The following PPP1R42 variants were observed in gnomAD, a reference collection of about 807,000 sequenced individuals.
PPP1R42 encodes the protein leucine rich repeat containing 67.
PPP1R42 carries 34 observed loss-of-function variants against 31.0 expected under a neutral mutation model. The observed-to-expected ratio is 1.10, with a 90% confidence interval of 0.83 to 1.46. The LOEUF (loss-of-function observed/expected upper bound fraction) is 1.46, where lower values mean the gene tolerates loss of function less well. Ranked by LOEUF, PPP1R42 falls within the 40% of genes most tolerant of loss-of-function variation. The pLI is 0.00. For synonymous variants in PPP1R42, 103 were observed against 109.8 expected (o/e 0.94, Z 0.39); for missense variants, 268 against 303.0 (o/e 0.88, Z 0.86).
intron 7 of PPP1R42, among the ~76,000 whole-genome samples, chr8:66,976,989 C>T (rs1814695175): frequency 6.7e-6 from 1 of 149,272 alleles, no homozygotes; most frequent in Non-Finnish European, 1.5e-5. Flanking sequence ...TTTTTAAATT[C>T]AAGGAAAATC....
chr8:66,977,442 A>G (rs901210334), intron 7 of PPP1R42, among the ~76,000 whole-genome samples: 2 of 151,670 alleles, frequency 1.3e-5, no homozygotes, highest in Non-Finnish European at 2.9e-5. Flanking sequence ...GGCTCAAGCA[A>G]TCCCCCTGCC....
chr8:67,023,724 G>A (rs768936228), intron 1 of PPP1R42, among the ~76,000 whole-genome samples: 7 of 151,748 alleles, frequency 4.6e-5, no homozygotes, highest in Non-Finnish European at 7.4e-5. Flanking sequence ...GAATAGAAGC[G>A]ATGAGGGCGT....
chr8:66,986,415 G>C (rs750893902), intron 6 of PPP1R42, among the ~76,000 whole-genome samples: 1 of 152,128 alleles, frequency 6.6e-6, no homozygotes, highest in African/African-American at 2.4e-5. Flanking sequence ...CTTCAGCCCC[G>C]AGACGGAGGC....
At chr8:66,984,610 C>T (rs1213973302) in intron 6 of PPP1R42, 7 of 1,197,034 alleles carry the variant, frequency 5.8e-6, no homozygotes, top group Non-Finnish European at 8.7e-6. Flanking sequence ...ATACGTGTAC[C>T]CCCTGTGAAA....
intron 1 of PPP1R42, among the ~76,000 whole-genome samples, chr8:67,024,480 ATT>A (rs56931317): frequency 2.8e-5 from 4 of 143,052 alleles, no homozygotes; most frequent in Admixed American, 7.0e-5. Flanking sequence ...ATGCCAGCTA[ATT>A]TTTTTTTTTT....
intron 7 of PPP1R42, among the ~76,000 whole-genome samples, chr8:66,976,266 C>T (rs1021631813): frequency 1.3e-5 from 2 of 152,094 alleles, no homozygotes; most frequent in Non-Finnish European, 2.9e-5. Flanking sequence ...GCTCAGGGCT[C>T]CTGCTGACTC....
intron 6 of PPP1R42, chr8:66,984,781 A>G: frequency 1.2e-6 from 2 of 1,608,724 alleles, no homozygotes; most frequent in Admixed American, 3.3e-5. Context: ...TAATACTCGC[A>G]TCAAATTAGA....
chr8:66,985,847 G>C (rs1000397715), intron 6 of PPP1R42: 4 of 1,202,364 alleles, frequency 3.3e-6, no homozygotes, highest in South Asian at 1.3e-5. Flanking sequence ...TGGAGGCCCA[G>C]GGATCACCTC....
At chr8:66,976,600 T>A (rs2130918152) in intron 7 of PPP1R42, among the ~76,000 whole-genome samples, 1 of 151,610 alleles carries the variant, frequency 6.6e-6, no homozygotes, top group Admixed American at 6.6e-5. Flanking sequence ...TTCTATGAGA[T>A]CAACTTTTTG....
chr8:67,025,071 G>A (rs1370397510), intron 1 of PPP1R42, among the ~76,000 whole-genome samples: 2 of 151,168 alleles, frequency 1.3e-5, no homozygotes, highest in East Asian at 3.9e-4. Flanking sequence ...TTGAGCAGCT[G>A]GGACTACAGG....
intron 5 of PPP1R42, among the ~76,000 whole-genome samples, chr8:67,007,246 A>G (rs1815715248): frequency 6.6e-6 from 1 of 152,224 alleles, no homozygotes; most frequent in African/African-American, 2.4e-5. Flanking sequence ...CCAAGGGCCT[A>G]GAACAGTGCC....
intron 6 of PPP1R42, chr8:66,988,089 G>C (rs1815080036): frequency 1.0e-6 from 1 of 989,618 alleles, no homozygotes; most frequent in South Asian, 4.6e-5. Context: ...CAAAGGATTT[G>C]TGCTAACGAA....
chr8:66,978,012 T>G (rs892178508), intron 7 of PPP1R42, among the ~76,000 whole-genome samples: 1 of 152,178 alleles, frequency 6.6e-6, no homozygotes, highest in Non-Finnish European at 1.5e-5. Flanking sequence ...CAACTTTACA[T>G]TCCCACTAAC....
chr8:66,982,648 AG>A (rs1814878194), intron 6 of PPP1R42, among the ~76,000 whole-genome samples: 1 of 152,132 alleles, frequency 6.6e-6, no homozygotes, highest in South Asian at 2.1e-4. Context: ...AGTAGAGACA[AG>A]GTCTTGCCAT....
intron 6 of PPP1R42, chr8:66,985,639 T>C: frequency 7.4e-7 from 1 of 1,343,508 alleles, no homozygotes; most frequent in Non-Finnish European, 1.1e-6. Context: ...AATGGCATCA[T>C]TCATGAAAGT....
At chr8:66,984,877 C>G in intron 6 of PPP1R42, 1 of 1,577,554 alleles carries the variant, frequency 6.3e-7, no homozygotes. Context: ...CCTTGTCTGT[C>G]TCTGAAGTTT....
intron 7 of PPP1R42, among the ~76,000 whole-genome samples, chr8:66,974,263 A>T (rs1047056746): frequency 6.6e-6 from 1 of 152,142 alleles, no homozygotes; most frequent in Non-Finnish European, 1.5e-5. Context: ...CCTTTTTTAA[A>T]ATAATAGCCA....
chr8:67,019,041 G>T lies in PPP1R42; in HGVS notation c.-84-1210C>A, dbSNP rs113630831. 5.7e-3 allele frequency among the ~76,000 whole-genome samples: 846 copies of T among 147,942 alleles called. 7 individuals are homozygous for T. The highest frequency in any genetic ancestry group is 0.02 in the African/African-American group (817 of 40,062). On this transcript the variant is annotated intron_variant, in intron 1 of 7. Transcript: ENST00000685739. ...AATGGAGACGGGGTTTCACTGTGTTGCTCAGGCTGGTCTTGAACTCCTGAG... is the reference window on the plus strand; with the variant it reads ...AATGGAGACGGGGTTTCACTGTGTTTCTCAGGCTGGTCTTGAACTCCTGAG...
intron 5 of PPP1R42, 89 bp downstream of exon 5, chr8:67,010,626 G>T: frequency 3.6e-5 from 30 of 844,936 alleles, no homozygotes; most frequent in East Asian, 1.1e-4. Flanking sequence ...AGTTTTTAAT[G>T]TGATATATTT....
Sources: gnomAD v4.1 joint callset for allele counts (sites outside exome capture counted in the v4.1 genomes callset) on GRCh38, gnomAD v4.1.1 for gene constraint, MANE v1.5 for transcripts, NCBI Gene and HGNC (gene_info 2026-07-23, HGNC 2026-07-21) for gene names.